ALKAL1: variants seen among roughly 807,000 people sequenced by gnomAD.
ALKAL1 encodes the protein AUG-beta.
A neutral mutation model predicts 13.5 loss-of-function variants in ALKAL1; 23 were observed. The observed-to-expected ratio is 1.70, with a 90% confidence interval of 1.23 to 2.41. The LOEUF (loss-of-function observed/expected upper bound fraction) is 2.41. Ranked by LOEUF, ALKAL1 falls within the 30% of genes most tolerant of loss-of-function variation. The pLI, the probability that ALKAL1 is intolerant of heterozygous loss-of-function variation, is 0.00. For synonymous variants in ALKAL1, 85 were observed against 77.7 expected, an observed-to-expected ratio of 1.09 and a Z score of -0.49; for missense variants, 181 against 178.4, an observed-to-expected ratio of 1.01 and a Z score of -0.08.
intron 4 of ALKAL1, 105 bp from the exon 5 acceptor site, chr8:52,534,705 C>T (rs988892913): frequency 4.4e-6 from 2 of 453,796 alleles, no homozygotes; most frequent in Non-Finnish European, 7.7e-6. Context: ...ACTCTGTGGA[C>T]TCCTAATTTA....
At chr8:52,555,209 C>CACTGGAGTCA (rs1297818537) in intron 1 of ALKAL1, among the ~76,000 whole-genome samples, 1 of 151,736 alleles carries the variant, frequency 6.6e-6, no homozygotes, top group Non-Finnish European at 1.5e-5. Context: ...GACAAATGCC[C>CACTGGAGTCA]ACTGGAGTCA....
chr8:52,559,124 C>G (rs1376203671), intron 1 of ALKAL1, among the ~76,000 whole-genome samples: 1 of 152,156 alleles, frequency 6.6e-6, no homozygotes, highest in Admixed American at 6.5e-5. Flanking sequence ...GATCCACCCC[C>G]ATGACCCAAA....
intron 4 of ALKAL1, among the ~76,000 whole-genome samples, chr8:52,535,550 C>CAAAAAAAAAAAAAAAAAAAAAAAAAAAA (rs10719477): frequency 1.5e-5 from 1 of 68,630 alleles, no homozygotes; most frequent in African/African-American, 5.8e-5. Context: ...GACCCTGTCT[C>CAAAAAAAAAAAAAAAAAAAAAAAAAAAA]AAAAAAAAAA....
rs1324176370 is a variant in ALKAL1, at chr8:52,542,453, G to T, written c.191-8C>A. 1 of 1,346,004 alleles carries T rather than the reference G, an allele frequency of 7.4e-7. No homozygotes were observed. Among genetic ancestry groups the T allele is most frequent in the Non-Finnish European group, 1.0e-6 (1 of 986,136 alleles). 83.4% of individuals were successfully genotyped at this position (1,346,004 alleles called of 1,614,324 possible). A position where few individuals can be genotyped will look rare whatever the true frequency, so the allele number is the denominator to read the frequency against. On this transcript the variant is annotated splice_polypyrimidine_tract_variant and splice_region_variant and intron_variant, in intron 1 of 4. Transcript: ENST00000358543. Reference sequence around the variant, plus strand: ...AGTCTCTTGGGAATATTTCTGAAAAGAAAAAAAAAACCATCAGAATTTATT... The same window carrying T: ...AGTCTCTTGGGAATATTTCTGAAAATAAAAAAAAAACCATCAGAATTTATT...
intron 1 of ALKAL1, among the ~76,000 whole-genome samples, chr8:52,564,565 A>G (rs1323024504): frequency 6.6e-6 from 1 of 152,216 alleles, no homozygotes; most frequent in East Asian, 1.9e-4. Context: ...GAAAGGTGCC[A>G]GTAACATAAG....
chr8:52,545,472 C>G (rs1251292366), intron 1 of ALKAL1, among the ~76,000 whole-genome samples: 1 of 152,102 alleles, frequency 6.6e-6, no homozygotes, highest in Non-Finnish European at 1.5e-5. Context: ...TGTCTCTTAT[C>G]TACTTTTGAC....
At chr8:52,545,482 C>G (rs1202829792) in intron 1 of ALKAL1, among the ~76,000 whole-genome samples, 1 of 152,000 alleles carries the variant, frequency 6.6e-6, no homozygotes, top group East Asian at 1.9e-4. Flanking sequence ...CTACTTTTGA[C>G]CTGGAACCCC....
intron 1 of ALKAL1, among the ~76,000 whole-genome samples, chr8:52,543,497 A>AGTTCAGGGCCTG (rs1847334830): frequency 2.0e-5 from 3 of 152,194 alleles, no homozygotes; most frequent in Admixed American, 2.0e-4. Flanking sequence ...GCCTTATGTG[A>AGTTCAGGGCCTG]GTTCAGGGCC....
intron 1 of ALKAL1, among the ~76,000 whole-genome samples, chr8:52,561,784 A>G (rs1391036698): frequency 6.6e-6 from 1 of 152,220 alleles, no homozygotes; most frequent in African/African-American, 2.4e-5. Context: ...GAGGTTTTAT[A>G]TTAAAACAGC....
chr8:52,538,652 A>T, intron 3 of ALKAL1, 145 bp from the exon 4 acceptor site: 1 of 606,950 alleles, frequency 1.6e-6, no homozygotes, highest in Non-Finnish European at 2.9e-6. Flanking sequence ...GGATTTTCTC[A>T]TCAATTCTTT....
rs1847300944 is a variant in ALKAL1, at chr8:52,540,342, G to C, written c.245-431C>G. On this transcript the variant is annotated intron_variant, in intron 2 of 4. Transcript: ENST00000358543. ...TTCCATTTTCTAATTATAATAATTT[G>C]TGTCTTATTACTGTCTAGGATAATT... Among the ~76,000 whole-genome samples, 3 of 152,058 alleles carry C rather than the reference G, an allele frequency of 2.0e-5. No individual in the cohort carries two copies. In the South Asian group the frequency reaches 6.2e-4, roughly 32 times the overall value.
intron 4 of ALKAL1, among the ~76,000 whole-genome samples, chr8:52,537,661 C>T (rs531551852): frequency 1.3e-5 from 2 of 151,930 alleles, no homozygotes; most frequent in Non-Finnish European, 2.9e-5. Flanking sequence ...GAAATGCTAT[C>T]ATTCTAGGCA....
At chr8:52,543,893 T>A (rs780071772) in intron 1 of ALKAL1, among the ~76,000 whole-genome samples, 10 of 152,182 alleles carry the variant, frequency 6.6e-5, no homozygotes, top group Admixed American at 2.6e-4. Flanking sequence ...GAGTATAATT[T>A]TAATCTCTAG....
chr8:52,538,910 C>G (rs186928172), intron 3 of ALKAL1, among the ~76,000 whole-genome samples: 1 of 151,116 alleles, frequency 6.6e-6, no homozygotes, highest in African/African-American at 2.4e-5. Flanking sequence ...TATTTATTTA[C>G]TTATTTATTT....
At chr8:52,557,148 A>G (rs1847492907) in intron 1 of ALKAL1, among the ~76,000 whole-genome samples, 1 of 152,248 alleles carries the variant, frequency 6.6e-6, no homozygotes, top group African/African-American at 2.4e-5. Context: ...ATAAACAAAT[A>G]TAACCAAGCT....
chr8:52,534,714 TAC>T (rs1264431943), intron 4 of ALKAL1, 114 bp from the exon 5 acceptor site: 1 of 446,552 alleles, frequency 2.2e-6, no homozygotes, highest in East Asian at 3.4e-5. Flanking sequence ...ACTCCTAATT[TAC>T]AGTCTAATCC....
intron 1 of ALKAL1, among the ~76,000 whole-genome samples, chr8:52,559,552 G>A (rs1046487674): frequency 5.3e-5 from 8 of 151,996 alleles, no homozygotes; most frequent in Non-Finnish European, 1.0e-4. Context: ...TTCTCAAAGA[G>A]TTTGTTAAAA....
At chr8:52,560,864 T>C (rs1847542858) in intron 1 of ALKAL1, among the ~76,000 whole-genome samples, 1 of 152,160 alleles carries the variant, frequency 6.6e-6, no homozygotes. Flanking sequence ...TGAAAAATCA[T>C]ATATAACCTT....
intron 1 of ALKAL1, among the ~76,000 whole-genome samples, chr8:52,547,725 C>G (rs560613918): frequency 6.6e-6 from 1 of 152,196 alleles, no homozygotes; most frequent in Non-Finnish European, 1.5e-5. Flanking sequence ...CAGCGGCTCA[C>G]GCCTGTCATC....
Sources: allele counts gnomAD v4.1 joint callset (sites outside exome capture counted in the v4.1 genomes callset), GRCh38; gene constraint gnomAD v4.1.1; transcripts MANE v1.5; gene names NCBI Gene and HGNC (gene_info 2026-07-23, HGNC 2026-07-21).